The following BAIAP2L1 variants were observed in gnomAD, a reference collection of about 807,000 sequenced individuals.
BAIAP2L1 encodes the protein BAR/IMD domain-containing adapter protein 2-like 1.
Under a neutral mutation model 66.3 loss-of-function variants are expected in BAIAP2L1, and 35 were observed. The ratio of observed to expected loss-of-function variants is 0.53; its 90% CI spans 0.40 to 0.70. The LOEUF is 0.70. BAIAP2L1 is among the 30% of genes least tolerant of loss of function. The pLI is 0.00. For missense variants in BAIAP2L1, 622 were observed against 656.9 expected, an observed-to-expected ratio of 0.95 and a Z score of 0.58; for synonymous variants, 269 against 248.7, an observed-to-expected ratio of 1.08 and a Z score of -0.77.
At chr7:98,379,884 G>GT (rs1379893143) in intron 1 of BAIAP2L1, among the ~76,000 whole-genome samples, 42 of 152,306 alleles carry the variant, frequency 2.8e-4, no homozygotes, top group Middle Eastern at 3.4e-3. Context: ...AAATCTATTA[G>GT]TGGTTGCCTG....
At chr7:98,305,686 G>A (rs543807902) in intron 11 of BAIAP2L1, among the ~76,000 whole-genome samples, 1 of 152,288 alleles carries the variant, frequency 6.6e-6, no homozygotes, top group Admixed American at 6.5e-5. Flanking sequence ...ATCTCCCAAA[G>A]TGCTGGGATT....
intron 1 of BAIAP2L1, chr7:98,385,694 A>C: frequency 1.0e-6 from 1 of 958,352 alleles, no homozygotes; most frequent in Non-Finnish European, 1.6e-6. Context: ...GATTATAGGC[A>C]GGAGCCCCCA....
chr7:98,319,563 T>G (rs931353306), intron 5 of BAIAP2L1, among the ~76,000 whole-genome samples: 2 of 151,754 alleles, frequency 1.3e-5, no homozygotes, highest in African/African-American at 4.8e-5. Context: ...TTTTTTTTTT[T>G]TGAGATGGAG....
chr7:98,372,377 G>A (rs1292851343), intron 1 of BAIAP2L1, among the ~76,000 whole-genome samples: 1 of 152,048 alleles, frequency 6.6e-6, no homozygotes, highest in East Asian at 2.0e-4. Flanking sequence ...CTGCTCTGCA[G>A]CCTGGGTGAC....
rs1291527200 is a variant in BAIAP2L1 at position 98,292,061 on chromosome 7, GC to G, written c.*1459del. On this transcript the variant is annotated 3_prime_UTR_variant, in exon 14 of 14. Coordinates refer to ENST00000005260, the MANE Select transcript of BAIAP2L1 (RefSeq NM_018842.5). ...CCTGCAGCCCCTTCATGGTGGGGGT[GC>G]CTGGTTTGTCCTCCCAGGAGAAGCA... is the stretch of plus-strand genomic sequence containing the variant. 2.0e-5 allele frequency: 3 copies of G among 153,498 alleles called. No homozygotes were observed. Among genetic ancestry groups the G allele is most frequent in the Admixed American group, 1.9e-4 (3 of 15,408 alleles). The allele number at this position is 153,498 out of a possible 1,614,324, so 9.5% of individuals were successfully genotyped here. A position where few individuals can be genotyped will look rare whatever the true frequency, so the allele number is the denominator to read the frequency against.
intron 3 of BAIAP2L1, among the ~76,000 whole-genome samples, chr7:98,333,983 T>G (rs970228758): frequency 4.6e-5 from 7 of 152,226 alleles, no homozygotes; most frequent in African/African-American, 1.7e-4. Flanking sequence ...GTTTATTAGG[T>G]TCATTTCTCA....
At position 98,304,065 on chromosome 7, in the gene BAIAP2L1, T is replaced by A. The variant is rs763937442; in HGVS notation, c.1422+131A>T. ...GGATCAAAGGCAGCAAGTCCCCTCC[T>A]CCCTCCTCCCCGGGGACACCACTCT... On this transcript the variant is annotated intron_variant, in intron 12 of 13. Transcript: ENST00000005260. 2.3e-4 allele frequency: 221 copies of A among 961,678 alleles called. 1 individual carries two copies. Among genetic ancestry groups the A allele is most frequent in the Admixed American group, 4.2e-4 (11 of 26,202 alleles). The allele number at this position is 961,678 out of a possible 1,614,324, so 59.6% of individuals were successfully genotyped here.
chr7:98,342,586 G>C (rs1376160699), intron 3 of BAIAP2L1, among the ~76,000 whole-genome samples: 1 of 152,118 alleles, frequency 6.6e-6, no homozygotes. Flanking sequence ...GATTCAAAAT[G>C]CAATGGCTGA....
chr7:98,308,477 C>A (rs368368596), intron 9 of BAIAP2L1: 122 of 365,384 alleles, frequency 3.3e-4, no homozygotes, highest in South Asian at 2.4e-3. Context: ...TCCCGCCAGG[C>A]TCCCAGGAGG....
chr7:98,315,385 G>A (rs1248686033), intron 7 of BAIAP2L1, 75 bp downstream of exon 7: 7 of 1,287,788 alleles, frequency 5.4e-6, no homozygotes, highest in Admixed American at 6.1e-5. Context: ...CGTGGGCCAC[G>A]GCCCAGCCTT....
intron 3 of BAIAP2L1, among the ~76,000 whole-genome samples, chr7:98,342,899 T>G (rs1271891058): frequency 1.3e-5 from 2 of 152,098 alleles, no homozygotes; most frequent in East Asian, 3.9e-4. Context: ...AATGTCAGAT[T>G]CCTTTTTTAA....
chr7:98,384,712 T>G (rs988958982), intron 1 of BAIAP2L1, among the ~76,000 whole-genome samples: 1 of 144,944 alleles, frequency 6.9e-6, no homozygotes, highest in African/African-American at 2.6e-5. Context: ...TTTTTTTTTT[T>G]TGTGAGATGG....
chr7:98,386,383 C>T, intron 1 of BAIAP2L1: 4 of 1,594,104 alleles, frequency 2.5e-6, no homozygotes, highest in Non-Finnish European at 3.4e-6. Context: ...AGACTCACTT[C>T]AAACACACGA....
At chr7:98,375,644 G>C (rs1281660862) in intron 1 of BAIAP2L1, among the ~76,000 whole-genome samples, 1 of 150,820 alleles carries the variant, frequency 6.6e-6, no homozygotes, top group Non-Finnish European at 1.5e-5. Context: ...AGCTACTCGG[G>C]AGGCCGAGGC....
intron 1 of BAIAP2L1, among the ~76,000 whole-genome samples, chr7:98,366,840 T>TCTTTG (rs980235096): frequency 5.3e-5 from 8 of 152,172 alleles, no homozygotes; most frequent in African/African-American, 1.7e-4. Flanking sequence ...CTGCTCTTTT[T>TCTTTG]CTTTGCTTTG....
chr7:98,365,163 ATT>A (rs375164193), intron 1 of BAIAP2L1, among the ~76,000 whole-genome samples: 1 of 151,032 alleles, frequency 6.6e-6, no homozygotes, highest in Non-Finnish European at 1.5e-5. Flanking sequence ...CTGTCCCAGC[ATT>A]TTTTTTGTTT....
rs563767671 is a variant in BAIAP2L1, at chr7:98,313,189, C to T, written c.640-925G>A. Among the ~76,000 whole-genome samples the T allele has an allele frequency of 1.9e-4, 28 of 150,964 alleles. No individual in the cohort carries two copies. In the South Asian group the frequency reaches 5.9e-3, roughly 32 times the overall value. ...CCTGACACTCTGCAGCACCGTGGACCAGCTGCTTGGGCCTGCTTCATCCCA... is the reference window on the plus strand; with the variant it reads ...CCTGACACTCTGCAGCACCGTGGACTAGCTGCTTGGGCCTGCTTCATCCCA... On this transcript the variant is annotated intron_variant, in intron 7 of 13. Coordinates refer to ENST00000005260, the MANE Select transcript of BAIAP2L1 (RefSeq NM_018842.5).
At chr7:98,367,502 AT>A (rs1802410903) in intron 1 of BAIAP2L1, among the ~76,000 whole-genome samples, 1 of 136,962 alleles carries the variant, frequency 7.3e-6, no homozygotes, top group South Asian at 2.4e-4. Flanking sequence ...TCTTGAGTAG[AT>A]GGGATTATAG....
At chr7:98,379,198 T>TAAC (rs1802702398) in intron 1 of BAIAP2L1, among the ~76,000 whole-genome samples, 1 of 152,124 alleles carries the variant, frequency 6.6e-6, no homozygotes, top group East Asian at 1.9e-4. Flanking sequence ...AATCTTAATG[T>TAAC]AACCACCACC....
Sources: gnomAD v4.1 joint callset for allele counts (sites outside exome capture counted in the v4.1 genomes callset) on GRCh38, gnomAD v4.1.1 for gene constraint, MANE v1.5 for transcripts, NCBI Gene and HGNC (gene_info 2026-07-23, HGNC 2026-07-21) for gene names.